The following PEPD variants were observed in gnomAD, a reference collection of about 807,000 sequenced individuals.
The protein encoded by PEPD is xaa-Pro dipeptidase.
Under a neutral mutation model 60.7 loss-of-function variants are expected in PEPD, and 53 were observed. That is an observed-to-expected ratio of 0.87 (90% confidence interval 0.70 to 1.10). The LOEUF is 1.10. PEPD is among the 50% of genes least tolerant of loss of function. The pLI, the probability that PEPD is intolerant of heterozygous loss-of-function variation, is 0.00. For missense variants in PEPD, 711 were observed against 711.9 expected (o/e 1.00, Z 0.01); for synonymous variants, 267 against 284.1 (o/e 0.94, Z 0.60).
At chr19:33,506,422 C>T (rs191664591) in intron 3 of PEPD, among the ~76,000 whole-genome samples, 24 of 148,658 alleles carry the variant, frequency 1.6e-4, no homozygotes, top group Non-Finnish European at 3.3e-4. Flanking sequence ...TCACACCCTA[C>T]ACACTACACA....
At chr19:33,495,473 G>C (rs33827) in intron 4 of PEPD, among the ~76,000 whole-genome samples, 7 of 149,998 alleles carry the variant, frequency 4.7e-5, no homozygotes, top group Non-Finnish European at 1.0e-4. Context: ...ACTCCAGCCT[G>C]TTGGGTGACA....
In PEPD at chr19:33,391,013, C is replaced by T. The variant is rs564276629; in HGVS notation, c.1152+282G>A. 5.9e-5 allele frequency among the ~76,000 whole-genome samples: 9 copies of T among 152,276 alleles called. No homozygotes were observed. The East Asian group carries it at 9.7e-4, about 16-fold the overall frequency. On this transcript the variant is annotated intron_variant, in intron 13 of 14. Transcript: ENST00000244137. The stretch of plus-strand genomic sequence containing the variant: ...CCTGTGGGGCCCCATGCACCGTATC[C>T]TGACTGTGTGCCACCTTCTGGACAG...
intron 9 of PEPD, among the ~76,000 whole-genome samples, chr19:33,438,706 G>A (rs1004104019): frequency 1.3e-5 from 2 of 152,214 alleles, no homozygotes; most frequent in Non-Finnish European, 2.9e-5. Context: ...TGGCAACCCT[G>A]GGACAAAGGA....
intron 11 of PEPD, among the ~76,000 whole-genome samples, chr19:33,405,314 G>C (rs2145353566): frequency 6.6e-6 from 1 of 152,388 alleles, no homozygotes; most frequent in Middle Eastern, 3.4e-3. Flanking sequence ...AGTTTTCTGG[G>C]GGAAATGCTG....
intron 9 of PEPD, among the ~76,000 whole-genome samples, chr19:33,430,583 T>C (rs1020898512): frequency 6.6e-6 from 1 of 152,118 alleles, no homozygotes; most frequent in Admixed American, 6.5e-5. Flanking sequence ...CATCAAAGGG[T>C]TTTTTTCCTA....
At chr19:33,514,502 C>T (rs1262610821) in intron 1 of PEPD, among the ~76,000 whole-genome samples, 2 of 151,932 alleles carry the variant, frequency 1.3e-5, no homozygotes, top group Non-Finnish European at 2.9e-5. Flanking sequence ...TCTCCTTGCC[C>T]AATCCCCTAC....
intron 1 of PEPD, among the ~76,000 whole-genome samples, chr19:33,518,528 C>T (rs1971067940): frequency 1.3e-5 from 2 of 152,194 alleles, no homozygotes; most frequent in Admixed American, 1.3e-4. Context: ...TCTGCAACAG[C>T]TCCTGGGAGC....
intron 1 of PEPD, among the ~76,000 whole-genome samples, chr19:33,517,896 G>A (rs1044881610): frequency 2.0e-5 from 3 of 151,870 alleles, no homozygotes; most frequent in Non-Finnish European, 4.4e-5. Flanking sequence ...GAACCCGGGA[G>A]GCGGAGGTTG....
intron 6 of PEPD, among the ~76,000 whole-genome samples, chr19:33,482,354 A>G (rs1238954081): frequency 6.6e-6 from 1 of 152,250 alleles, no homozygotes; most frequent in Non-Finnish European, 1.5e-5. Flanking sequence ...ATATGCTTGT[A>G]TAAATAGATG....
chr19:33,519,462 G>A (rs181578893), intron 1 of PEPD, among the ~76,000 whole-genome samples: 20 of 152,216 alleles, frequency 1.3e-4, no homozygotes, highest in East Asian at 3.8e-4. Flanking sequence ...GGCAATGGCC[G>A]TGACTTGCTG....
chr19:33,440,290 T>C lies in PEPD; in HGVS notation c.671+22705A>G, dbSNP rs561418653. Among the ~76,000 whole-genome samples, 362 of 152,242 alleles carry C rather than the reference T, an allele frequency of 2.4e-3. 1 individual carries two copies. Among genetic ancestry groups the C allele is most frequent in the Non-Finnish European group, 4.4e-3 (297 of 67,994 alleles). The stretch of plus-strand genomic sequence containing the variant: ...AGACCCCTGGAGTCATCCTGGACTC[T>C]TCCCACAACACCCAGCCCTGATGGG... On this transcript the variant is annotated intron_variant, in intron 9 of 14. Coordinates refer to ENST00000244137, the MANE Select transcript of PEPD (RefSeq NM_000285.4).
chr19:33,455,678 A>ATTT (rs34754945), intron 9 of PEPD, among the ~76,000 whole-genome samples: 15 of 134,666 alleles, frequency 1.1e-4, no homozygotes, highest in African/African-American at 2.0e-4. Context: ...AATTAAAAAC[A>ATTT]TTTTTTTTTT....
At chr19:33,511,247 T>C in intron 2 of PEPD, 92 bp from the exon 3 acceptor site, 2 of 1,371,406 alleles carry the variant, frequency 1.5e-6, no homozygotes, top group Non-Finnish European at 2.1e-6. Flanking sequence ...GAGAGCCAGC[T>C]CAGACCGACA....
chr19:33,486,396 G>A (rs1336760962), intron 6 of PEPD, among the ~76,000 whole-genome samples: 4 of 151,332 alleles, frequency 2.6e-5, no homozygotes, highest in East Asian at 3.9e-4. Context: ...AGCCACACAC[G>A]GAACTGCTGC....
rs757173823 is a variant in PEPD at position 33,492,043 on chromosome 19, CAA to C, written c.441+1245_441+1246del. The stretch of plus-strand genomic sequence containing the variant: ...CTACTTTACTTTTTATATTCCATTT[CAA>C]AAAAAAAAAAAAAAAAAGACAAGAG... On this transcript the variant is annotated intron_variant, in intron 5 of 14. Coordinates refer to ENST00000244137, the MANE Select transcript of PEPD (RefSeq NM_000285.4). 3.6e-3 allele frequency among the ~76,000 whole-genome samples: 295 copies of C among 81,546 alleles called. 1 individual carries two copies. The highest frequency in any genetic ancestry group is 0.012 in the African/African-American group (277 of 23,490). 53.5% of individuals were successfully genotyped at this position (81,546 alleles called of 152,430 possible).
chr19:33,401,722 T>C lies in PEPD; in HGVS notation c.966A>G (p.Pro322=). The change falls in exon 12 of 15, where the codon CCA becomes CCG. Residue 322 remains proline (P), a splice_region_variant and synonymous_variant. Coordinates refer to ENST00000244137, the MANE Select transcript of PEPD (RefSeq NM_000285.4). ...TCCCCCCACCGACCCGCTGCTCACCTGGCTTCATGGCACCCATGACGGCAC... is the reference window on the plus strand; with the variant it reads ...TCCCCCCACCGACCCGCTGCTCACCCGGCTTCATGGCACCCATGACGGCAC... ...SSRAVMGAMK[P]GVWWPDMHRL... is the part of the protein sequence containing the mutation. The C allele has an allele frequency of 6.2e-7, 1 of 1,606,580 alleles. No homozygotes were observed. Among genetic ancestry groups the C allele is most frequent in the East Asian group, 2.3e-5 (1 of 44,402 alleles).
At chr19:33,441,697 G>A (rs1163128247) in intron 9 of PEPD, among the ~76,000 whole-genome samples, 1 of 152,198 alleles carries the variant, frequency 6.6e-6, no homozygotes. Flanking sequence ...GGCTGAGGCC[G>A]ACCTTGACCC....
chr19:33,464,162 C>T (rs1302402730), intron 7 of PEPD, 100 bp from the exon 8 acceptor site: 4 of 830,480 alleles, frequency 4.8e-6, no homozygotes, highest in Non-Finnish European at 8.2e-6. Context: ...CCCTGCACAG[C>T]CCAGAAGGCG....
intron 9 of PEPD, 83 bp downstream of exon 9, chr19:33,462,912 G>C (rs1969953591): frequency 1.2e-6 from 1 of 835,400 alleles, no homozygotes; most frequent in Non-Finnish European, 2.1e-6. Context: ...TGCCACTGCG[G>C]CGTCTCATCT....
Sources: gnomAD v4.1 joint callset for allele counts (sites outside exome capture counted in the v4.1 genomes callset) on GRCh38, gnomAD v4.1.1 for gene constraint, MANE v1.5 for transcripts, NCBI Gene and HGNC (gene_info 2026-07-23, HGNC 2026-07-21) for gene names.